SLC39A10: variants seen among roughly 807,000 people sequenced by gnomAD.
SLC39A10 encodes the protein solute carrier family 39 member 10.
SLC39A10 carries 13 observed loss-of-function variants against 65.1 expected under a neutral mutation model. The ratio of observed to expected loss-of-function variants is 0.20; its 90% CI spans 0.13 to 0.32. SLC39A10 has a LOEUF of 0.32. Ranked by LOEUF, SLC39A10 falls within the 10% of genes least tolerant of loss-of-function variation. The pLI, the probability that SLC39A10 is intolerant of heterozygous loss-of-function variation, is 1.00. For synonymous variants in SLC39A10, 321 were observed against 342.2 expected (o/e 0.94, Z 0.68); for missense variants, 831 against 1,018.4 (o/e 0.82, Z 2.50).
At chr2:195,647,148 C>T (rs770211112) in intron 2 of SLC39A10, among the ~76,000 whole-genome samples, 1 of 152,080 alleles carries the variant, frequency 6.6e-6, no homozygotes, top group East Asian at 1.9e-4. Flanking sequence ...ACTTTAATTC[C>T]ATCTCCAGCC....
intron 2 of SLC39A10, among the ~76,000 whole-genome samples, chr2:195,617,374 A>G (rs796679252): frequency 7.9e-5 from 12 of 151,998 alleles, no homozygotes; most frequent in South Asian, 6.2e-4. Flanking sequence ...CAGCCTGGCC[A>G]ATATGGTGAA....
At chr2:195,708,536 C>A (rs914077803) in intron 4 of SLC39A10, 120 bp from the exon 5 acceptor site, 1 of 772,014 alleles carries the variant, frequency 1.3e-6, no homozygotes, top group Non-Finnish European at 1.9e-6. Flanking sequence ...TAGGGGAGCA[C>A]TTTAAAACTT....
intron 7 of SLC39A10, chr2:195,717,483 A>G (rs1457638781): frequency 6.5e-6 from 1 of 152,890 alleles, no homozygotes; most frequent in African/African-American, 2.4e-5. Context: ...AATGTGATCA[A>G]TACATAATTT....
intron 2 of SLC39A10, among the ~76,000 whole-genome samples, chr2:195,622,433 T>C (rs1292322328): frequency 6.6e-6 from 1 of 152,160 alleles, no homozygotes; most frequent in Non-Finnish European, 1.5e-5. Flanking sequence ...GAATTTACCC[T>C]TTTAAGTTCA....
Position 195,735,151 on chromosome 2 carries a change from T to A in SLC39A10, c.*110T>A. On this transcript the variant is annotated 3_prime_UTR_variant, in exon 10 of 10. Transcript: ENST00000359634. Reference sequence around the variant, plus strand: ...AGGAAAGTCAGTGGCTTGCACTACTTACAAGTTTCATAGATTTGAGCCTAA... The same window carrying A: ...AGGAAAGTCAGTGGCTTGCACTACTAACAAGTTTCATAGATTTGAGCCTAA... The A allele has an allele frequency of 8.5e-7, 1 of 1,171,310 alleles. No individual in the cohort carries two copies. The highest frequency in any genetic ancestry group is 1.2e-6 in the Non-Finnish European group (1 of 850,366). 72.6% of individuals were successfully genotyped at this position (1,171,310 alleles called of 1,614,324 possible). A position where few individuals can be genotyped will look rare whatever the true frequency, so the allele number is the denominator to read the frequency against.
chr2:195,664,377 TA>T (rs1209039988), intron 1 of SLC39A10, among the ~76,000 whole-genome samples: 14 of 151,468 alleles, frequency 9.2e-5, no homozygotes, highest in Non-Finnish European at 1.8e-4. Flanking sequence ...TAAAAAAAAA[TA>T]AGAAAATATA....
intron 2 of SLC39A10, among the ~76,000 whole-genome samples, chr2:195,682,029 A>C (rs1268611109): frequency 1.3e-5 from 2 of 152,190 alleles, no homozygotes; most frequent in African/African-American, 4.8e-5. Context: ...AATAATAAGA[A>C]ACTAATAGTA....
intron 2 of SLC39A10, among the ~76,000 whole-genome samples, chr2:195,614,161 C>T (rs917910042): frequency 6.6e-6 from 1 of 152,020 alleles, no homozygotes; most frequent in Non-Finnish European, 1.5e-5. Context: ...AAGATAAAGG[C>T]CATGACTACA....
At chr2:195,648,146 C>G (rs1688962566) in intron 2 of SLC39A10, among the ~76,000 whole-genome samples, 1 of 152,130 alleles carries the variant, frequency 6.6e-6, no homozygotes, top group Non-Finnish European at 1.5e-5. Context: ...GTGTGTGACA[C>G]CATGCCCATC....
chr2:195,666,611 A>C (rs1451554900), intron 1 of SLC39A10, among the ~76,000 whole-genome samples: 2 of 152,122 alleles, frequency 1.3e-5, no homozygotes, highest in African/African-American at 4.8e-5. Flanking sequence ...GGCATGGGCT[A>C]CCACACCTGG....
rs1471219342 is a variant in SLC39A10 at position 195,689,082 on chromosome 2, T to A, written c.1216+5176T>A. On this transcript the variant is annotated intron_variant, in intron 3 of 9. Coordinates refer to ENST00000359634, the MANE Select transcript of SLC39A10 (RefSeq NM_020342.3). ...TTGGCCAAGGATTCTCTGAAAAGAC[T>A]GTGATGATTTAGTGGAGAAAACAGT... is the stretch of plus-strand genomic sequence containing the variant. Among the ~76,000 whole-genome samples, 3 of 152,160 alleles carry A rather than the reference T, an allele frequency of 2.0e-5. No homozygotes were observed. The East Asian group carries it at 5.8e-4, about 29-fold the overall frequency.
At position 195,737,408 on chromosome 2, in the gene SLC39A10, GTGATTGAT is replaced by G. The variant is rs35974800; in HGVS notation, c.*2373_*2380del. The G allele has an allele frequency of 2.0e-4, 31 of 156,090 alleles. No individual in the cohort carries two copies. Among genetic ancestry groups the G allele is most frequent in the Non-Finnish European group, 3.1e-4 (22 of 70,278 alleles). 9.7% of individuals were successfully genotyped at this position (156,090 alleles called of 1,614,324 possible). A position where few individuals can be genotyped will look rare whatever the true frequency, so the allele number is the denominator to read the frequency against. On this transcript the variant is annotated 3_prime_UTR_variant, in exon 10 of 10. Coordinates refer to ENST00000359634, the MANE Select transcript of SLC39A10 (RefSeq NM_020342.3). ...TCACATTGCATTCAATCAATCAGCT[GTGATTGAT>G]TGATTATGCTTAGAAATACTATAGT...
At chr2:195,646,740 C>G (rs930978809) in intron 2 of SLC39A10, among the ~76,000 whole-genome samples, 1 of 152,060 alleles carries the variant, frequency 6.6e-6, no homozygotes, top group African/African-American at 2.4e-5. Context: ...TGAGCTTTGC[C>G]TCCTATCAGA....
At chr2:195,662,868 T>C (rs1274753426) in intron 1 of SLC39A10, among the ~76,000 whole-genome samples, 6 of 152,246 alleles carry the variant, frequency 3.9e-5, no homozygotes, top group African/African-American at 1.4e-4. Context: ...AATACTTTAG[T>C]AGAAAAATGT....
intron 3 of SLC39A10, among the ~76,000 whole-genome samples, chr2:195,695,644 C>T (rs1690925020): frequency 6.6e-6 from 1 of 152,192 alleles, no homozygotes; most frequent in Non-Finnish European, 1.5e-5. Context: ...TGGTATGTTG[C>T]TGTGGTAGTT....
rs1690006268 is a variant in SLC39A10, at chr2:195,674,561, A to G, written c.-11-5471A>G. 3 of 984,962 alleles carry G rather than the reference A, an allele frequency of 3.0e-6. No homozygotes were observed. The South Asian group carries it at 1.4e-4, about 46-fold the overall frequency. The allele number at this position is 984,962 out of a possible 1,614,324, so 61.0% of individuals were successfully genotyped here. On this transcript the variant is annotated intron_variant, in intron 1 of 9. Coordinates refer to ENST00000359634, the MANE Select transcript of SLC39A10 (RefSeq NM_020342.3). ...CAAAGTACTGGGATTATAGGTGTGAACCACTGCACCCGGCCTGCTTTTCTT... is the reference window on the plus strand; with the variant it reads ...CAAAGTACTGGGATTATAGGTGTGAGCCACTGCACCCGGCCTGCTTTTCTT...
chr2:195,685,509 CATTT>C (rs560441712), intron 3 of SLC39A10, among the ~76,000 whole-genome samples: 19 of 152,230 alleles, frequency 1.2e-4, no homozygotes, highest in Admixed American at 1.2e-3. Context: ...GCTCATCATT[CATTT>C]CTCTCCTCTT....
At chr2:195,668,133 T>TA (rs1293221423) in intron 1 of SLC39A10, among the ~76,000 whole-genome samples, 2 of 152,196 alleles carry the variant, frequency 1.3e-5, no homozygotes, top group Non-Finnish European at 2.9e-5. Context: ...GCTTCTCTGT[T>TA]ACTCTGTGTG....
chr2:195,655,115 C>T (rs115349522), upstream of SLC39A10, among the ~76,000 whole-genome samples: 1,022 of 152,250 alleles, frequency 6.7e-3, 7 homozygotes, highest in African/African-American at 0.023. Flanking sequence ...ATGGGAGTGA[C>T]TAATAAGAGC....
Sources: gnomAD v4.1 joint callset for allele counts (sites outside exome capture counted in the v4.1 genomes callset) on GRCh38, gnomAD v4.1.1 for gene constraint, MANE v1.5 for transcripts, NCBI Gene and HGNC (gene_info 2026-07-23, HGNC 2026-07-21) for gene names.